The following ROBO2 variants were observed in gnomAD, a reference collection of about 807,000 sequenced individuals.
ROBO2 encodes the protein roundabout guidance receptor 2, also known as roundabout homolog 2.
In ROBO2, 53 loss-of-function variants were observed where a neutral mutation model predicts 160.8. The ratio of observed to expected loss-of-function variants is 0.33; its 90% CI spans 0.26 to 0.41. The LOEUF (loss-of-function observed/expected upper bound fraction) is 0.41, where lower values mean the gene tolerates loss of function less well. Among genes scored for constraint, ROBO2 ranks in the 10% least tolerant of loss-of-function variants. The probability of loss-of-function intolerance (pLI) is 1.00; values close to 1 mark genes in which losing one functional copy is unlikely to be tolerated. For missense variants in ROBO2, 1,577 were observed against 1,722.4 expected (o/e 0.92, Z 1.49); for synonymous variants, 664 against 611.7 (o/e 1.09, Z -1.26).
chr3:76,473,841 C>G (rs547931000), intron 2 of ROBO2, among the ~76,000 whole-genome samples: 32 of 152,212 alleles, frequency 2.1e-4, no homozygotes, highest in African/African-American at 7.5e-4. Flanking sequence ...GTTGCAGATG[C>G]AAGTTAGAAC....
chr3:76,510,263 T>C (rs904308138), intron 2 of ROBO2, among the ~76,000 whole-genome samples: 1 of 152,210 alleles, frequency 6.6e-6, no homozygotes, highest in Admixed American at 6.5e-5. Context: ...TAAGCATTTA[T>C]GTTCATCTAT....
At chr3:76,542,596 T>A (rs566604066) in intron 2 of ROBO2, among the ~76,000 whole-genome samples, 1 of 152,294 alleles carries the variant, frequency 6.6e-6, no homozygotes, top group Admixed American at 6.5e-5. Context: ...CAAGTCTTCA[T>A]TTTTTCTTAT....
At chr3:76,049,399 A>ATTTT (rs1204742605) in intron 2 of ROBO2, among the ~76,000 whole-genome samples, 33 of 50,348 alleles carry the variant, frequency 6.6e-4, no homozygotes, top group African/African-American at 2.4e-3. Context: ...ATATATATAT[A>ATTTT]TATATTTTTT....
rs537410917 is a variant in ROBO2, at chr3:77,611,653, T to C, written c.3293+3699T>C. Among the ~76,000 whole-genome samples, 8 of 152,324 alleles carry C rather than the reference T, an allele frequency of 5.3e-5. 1 individual carries two copies. Among genetic ancestry groups the C allele is most frequent in the Admixed American group, 2.0e-4 (3 of 15,286 alleles). On this transcript the variant is annotated intron_variant, in intron 21 of 25. Transcript: ENST00000461745. Reference sequence around the variant, plus strand: ...ATTATTTCTAAAAGCTTAGCTATCATCAGTTTTCATTCTAAGCCTTTCCCC... The same window carrying C: ...ATTATTTCTAAAAGCTTAGCTATCACCAGTTTTCATTCTAAGCCTTTCCCC...
chr3:76,112,766 A>G (rs1445908639), intron 2 of ROBO2, among the ~76,000 whole-genome samples: 1 of 152,014 alleles, frequency 6.6e-6, no homozygotes, highest in Non-Finnish European at 1.5e-5. Flanking sequence ...AGATTTTATA[A>G]TTTTTGCACA....
chr3:76,495,124 T>C (rs944012695), intron 2 of ROBO2, among the ~76,000 whole-genome samples: 2 of 152,066 alleles, frequency 1.3e-5, no homozygotes, highest in African/African-American at 4.8e-5. Context: ...TGTAAATAGA[T>C]GAAGACAAAT....
At chr3:76,598,700 T>C (rs2086898663) in intron 2 of ROBO2, among the ~76,000 whole-genome samples, 1 of 152,114 alleles carries the variant, frequency 6.6e-6, no homozygotes, top group Admixed American at 6.5e-5. Flanking sequence ...TTTGTTTGTA[T>C]TGATAAGCTG....
At chr3:76,745,655 T>C (rs2093873368) in intron 2 of ROBO2, among the ~76,000 whole-genome samples, 1 of 152,076 alleles carries the variant, frequency 6.6e-6, no homozygotes, top group Non-Finnish European at 1.5e-5. Context: ...TGTATCATTT[T>C]ACACCTCTAT....
At chr3:76,691,649 G>T (rs1013527943) in intron 2 of ROBO2, among the ~76,000 whole-genome samples, 8 of 152,102 alleles carry the variant, frequency 5.3e-5, no homozygotes, top group African/African-American at 1.9e-4. Flanking sequence ...ACAATCCAAG[G>T]CATGGACATA....
chr3:77,342,075 A>G (rs1385961704), intron 2 of ROBO2, among the ~76,000 whole-genome samples: 3 of 152,120 alleles, frequency 2.0e-5, no homozygotes, highest in African/African-American at 7.2e-5. Flanking sequence ...TTGATGTATA[A>G]TGACAGGCAC....
intron 2 of ROBO2, among the ~76,000 whole-genome samples, chr3:76,415,491 A>G (rs1219271243): frequency 6.6e-6 from 1 of 152,192 alleles, no homozygotes; most frequent in Non-Finnish European, 1.5e-5. Flanking sequence ...TATCATAAGT[A>G]CTAAATATTT....
At chr3:76,358,765 A>T (rs879553982) in intron 2 of ROBO2, among the ~76,000 whole-genome samples, 7 of 151,672 alleles carry the variant, frequency 4.6e-5, no homozygotes, top group Non-Finnish European at 8.8e-5. Context: ...TGCTGTTTAA[A>T]TTTTTTTTAT....
intron 2 of ROBO2, among the ~76,000 whole-genome samples, chr3:76,545,139 G>C (rs550361605): frequency 6.6e-6 from 1 of 151,998 alleles, no homozygotes; most frequent in East Asian, 1.9e-4. Flanking sequence ...CATCAAAGGA[G>C]TATATGGCAG....
intron 2 of ROBO2, among the ~76,000 whole-genome samples, chr3:75,973,331 A>G (rs2065046762): frequency 6.6e-6 from 1 of 151,700 alleles, no homozygotes; most frequent in African/African-American, 2.4e-5. Flanking sequence ...TTACTGGAAG[A>G]GTGCTTCAGT....
At chr3:77,455,509 G>A (rs938995184) in intron 2 of ROBO2, among the ~76,000 whole-genome samples, 8 of 152,030 alleles carry the variant, frequency 5.3e-5, no homozygotes, top group African/African-American at 1.2e-4. Flanking sequence ...TCAGCTCACC[G>A]CAACATCCAA....
At chr3:76,934,215 A>T (rs1467576182) in intron 2 of ROBO2, among the ~76,000 whole-genome samples, 1 of 150,234 alleles carries the variant, frequency 6.7e-6, no homozygotes, top group Non-Finnish European at 1.5e-5. Context: ...AAATAGAAAA[A>T]AAAAAAAGAT....
At chr3:76,574,854 T>G (rs2085188435) in intron 2 of ROBO2, among the ~76,000 whole-genome samples, 1 of 152,128 alleles carries the variant, frequency 6.6e-6, no homozygotes, top group Non-Finnish European at 1.5e-5. Context: ...CCGCCAGTGC[T>G]GCTGGTCCAT....
intron 2 of ROBO2, among the ~76,000 whole-genome samples, chr3:76,226,299 T>A (rs1325942503): frequency 1.3e-5 from 2 of 152,138 alleles, no homozygotes; most frequent in Non-Finnish European, 1.5e-5. Flanking sequence ...AAATTAACTT[T>A]AAACAAATAA....
intron 2 of ROBO2, among the ~76,000 whole-genome samples, chr3:76,940,051 G>A (rs913554266): frequency 3.6e-5 from 5 of 140,442 alleles, no homozygotes; most frequent in Non-Finnish European, 6.0e-5. Context: ...GCGCTACCTC[G>A]GCTCACTGCA....
Sources: gnomAD v4.1 joint callset for allele counts (sites outside exome capture counted in the v4.1 genomes callset) on GRCh38, gnomAD v4.1.1 for gene constraint, MANE v1.5 for transcripts, NCBI Gene and HGNC (gene_info 2026-07-23, HGNC 2026-07-21) for gene names.